LHFPL2: variants seen among roughly 807,000 people sequenced by gnomAD.
The protein encoded by LHFPL2 is LHFPL tetraspan subfamily member 2.
In LHFPL2, 7 loss-of-function variants were observed where a neutral mutation model predicts 17.5. That is an observed-to-expected ratio of 0.40 (90% CI 0.23 to 0.75). The LOEUF (loss-of-function observed/expected upper bound fraction) is 0.75, where lower values mean the gene tolerates loss of function less well. Among genes scored for constraint, LHFPL2 ranks in the 30% least tolerant of loss-of-function variants. The pLI is 0.37. For missense variants in LHFPL2, 241 were observed against 294.8 expected, an observed-to-expected ratio of 0.82 and a Z score of 1.34; for synonymous variants, 134 against 116.2, an observed-to-expected ratio of 1.15 and a Z score of -0.99.
intron 4 of LHFPL2, among the ~76,000 whole-genome samples, chr5:78,495,974 C>T (rs1754593143): frequency 6.6e-6 from 1 of 152,214 alleles, no homozygotes; most frequent in Non-Finnish European, 1.5e-5. Flanking sequence ...CTTGGACGCT[C>T]ACGCATCTGG....
At chr5:78,571,057 A>T (rs1260919396) in intron 2 of LHFPL2, among the ~76,000 whole-genome samples, 1 of 152,184 alleles carries the variant, frequency 6.6e-6, no homozygotes, top group Admixed American at 6.5e-5. Flanking sequence ...TGGAAAGAGA[A>T]GGTGGAAAAG....
At chr5:78,583,379 G>T (rs1343549907) in intron 2 of LHFPL2, among the ~76,000 whole-genome samples, 1 of 151,734 alleles carries the variant, frequency 6.6e-6, no homozygotes, top group Non-Finnish European at 1.5e-5. Context: ...TCCTAGTCTC[G>T]ATGGTCTTTA....
chr5:78,643,788 T>C (rs1330590484), intron 1 of LHFPL2, among the ~76,000 whole-genome samples: 1 of 152,128 alleles, frequency 6.6e-6, no homozygotes, highest in African/African-American at 2.4e-5. Flanking sequence ...GGGTCGGGCA[T>C]GGTGGCTCAC....
At chr5:78,564,691 GTGC>G (rs1312195227) in intron 3 of LHFPL2, 119 bp downstream of exon 3, 2 of 152,178 alleles carry the variant, frequency 1.3e-5, no homozygotes, top group Admixed American at 1.3e-4. Context: ...TAAAAAATTA[GTGC>G]TGACCACACA....
chr5:78,543,576 G>C (rs975352891), intron 3 of LHFPL2, among the ~76,000 whole-genome samples: 8 of 152,188 alleles, frequency 5.3e-5, no homozygotes, highest in Non-Finnish European at 1.2e-4. Flanking sequence ...GTCCCTGAGA[G>C]AATCCTCAGA....
chr5:78,584,238 G>A (rs1297519332), intron 2 of LHFPL2, among the ~76,000 whole-genome samples: 13 of 151,408 alleles, frequency 8.6e-5, no homozygotes, highest in African/African-American at 2.2e-4. Flanking sequence ...ATGTCCTCCC[G>A]TAGCTCGGAG....
intron 2 of LHFPL2, among the ~76,000 whole-genome samples, chr5:78,591,971 G>A (rs745902732): frequency 2.0e-5 from 3 of 152,254 alleles, no homozygotes; most frequent in Non-Finnish European, 4.4e-5. Context: ...CCTAGAGACA[G>A]AGCTGGCGCA....
At chr5:78,537,017 G>A (rs1755969277) in intron 3 of LHFPL2, among the ~76,000 whole-genome samples, 1 of 152,154 alleles carries the variant, frequency 6.6e-6, no homozygotes, top group Non-Finnish European at 1.5e-5. Flanking sequence ...CAGCGTTGGT[G>A]GCACCTAGGA....
chr5:78,630,171 T>C (rs1356329715), intron 2 of LHFPL2, among the ~76,000 whole-genome samples: 1 of 152,114 alleles, frequency 6.6e-6, no homozygotes, highest in African/African-American at 2.4e-5. Context: ...TTTCCTAACA[T>C]GATCAGAACT....
At chr5:78,635,999 G>GACAC (rs5868927) in intron 1 of LHFPL2, among the ~76,000 whole-genome samples, 14,336 of 150,832 alleles carry the variant, frequency 0.095, 718 homozygotes, top group Middle Eastern at 0.13. Context: ...CACACACACA[G>GACAC]ACACACACAC....
At chr5:78,493,856 AAT>A (rs1754524875) in intron 4 of LHFPL2, among the ~76,000 whole-genome samples, 1 of 152,228 alleles carries the variant, frequency 6.6e-6, no homozygotes, top group Non-Finnish European at 1.5e-5. Flanking sequence ...AAGGCAAGAG[AAT>A]ACAGTAACAG....
intron 3 of LHFPL2, among the ~76,000 whole-genome samples, chr5:78,561,206 T>G (rs750245210): frequency 1.3e-5 from 2 of 152,246 alleles, no homozygotes; most frequent in Admixed American, 1.3e-4. Context: ...GAATCACATA[T>G]GAAAGTTGTT....
intron 2 of LHFPL2, among the ~76,000 whole-genome samples, chr5:78,584,994 T>TG (rs1561352335): frequency 1.1e-5 from 1 of 89,170 alleles, no homozygotes; most frequent in Non-Finnish European, 2.5e-5. Context: ...TGGTGCGCTG[T>TG]GTTTTTTTTT....
intron 4 of LHFPL2, among the ~76,000 whole-genome samples, chr5:78,501,775 C>T (rs896812476): frequency 6.6e-6 from 1 of 152,084 alleles, no homozygotes; most frequent in Non-Finnish European, 1.5e-5. Context: ...GGCTTAACGT[C>T]GACATTTAGT....
chr5:78,591,775 A>G (rs1743634647), intron 2 of LHFPL2, among the ~76,000 whole-genome samples: 1 of 152,240 alleles, frequency 6.6e-6, no homozygotes, highest in Non-Finnish European at 1.5e-5. Context: ...ACCTTGTGCC[A>G]TGGGGGCTGC....
At chr5:78,522,161 T>G (rs1230862486) in intron 3 of LHFPL2, among the ~76,000 whole-genome samples, 2 of 152,176 alleles carry the variant, frequency 1.3e-5, no homozygotes, top group African/African-American at 4.8e-5. Context: ...GGAGTCACAT[T>G]GGCCAGGCAT....
chr5:78,583,142 T>A (rs1434030524), intron 2 of LHFPL2, among the ~76,000 whole-genome samples: 1 of 151,738 alleles, frequency 6.6e-6, no homozygotes, highest in African/African-American at 2.4e-5. Context: ...TTGGTAGATC[T>A]TCCTCCATCC....
At chr5:78,539,248 G>A (rs557375825) in intron 3 of LHFPL2, among the ~76,000 whole-genome samples, 10 of 152,274 alleles carry the variant, frequency 6.6e-5, no homozygotes, top group South Asian at 4.1e-4. Flanking sequence ...GCCCTCACCC[G>A]ACACCACTGC....
chr5:78,636,216 G>T (rs1303177825), intron 1 of LHFPL2, among the ~76,000 whole-genome samples: 1 of 152,180 alleles, frequency 6.6e-6, no homozygotes, highest in Non-Finnish European at 1.5e-5. Flanking sequence ...CTCTGATCCT[G>T]AGAAGCATTC....
Sources: gnomAD v4.1 joint callset for allele counts (sites outside exome capture counted in the v4.1 genomes callset) on GRCh38, gnomAD v4.1.1 for gene constraint, MANE v1.5 for transcripts, NCBI Gene and HGNC (gene_info 2026-07-23, HGNC 2026-07-21) for gene names.